Variants in PPP1R37 observed in about 807,000 individuals in gnomAD.
PPP1R37 encodes leucine rich repeat containing 68.
In PPP1R37, 21 loss-of-function variants were observed where a neutral mutation model predicts 61.0. The observed-to-expected ratio is 0.34, with a 90% CI of 0.24 to 0.50. PPP1R37 has a LOEUF of 0.50. PPP1R37 is among the 20% of genes least tolerant of loss of function. The pLI is 0.98. For synonymous variants in PPP1R37, 443 were observed against 433.5 expected (o/e 1.02, Z -0.27); for missense variants, 910 against 952.7 (o/e 0.96, Z 0.59).
intron 1 of PPP1R37, among the ~76,000 whole-genome samples, chr19:45,119,557 G>T (rs1466840375): frequency 1.3e-5 from 2 of 152,162 alleles, no homozygotes; most frequent in African/African-American, 2.4e-5. Context: ...TGACTACATG[G>T]CCAATCTGTT....
intron 1 of PPP1R37, among the ~76,000 whole-genome samples, chr19:45,119,749 G>A (rs1568444359): frequency 2.0e-5 from 3 of 152,326 alleles, no homozygotes; most frequent in East Asian, 3.9e-4. Flanking sequence ...TGGCCAGGTA[G>A]GGCTGTGTCT....
At chr19:45,103,217 A>G (rs904454839) in intron 1 of PPP1R37, among the ~76,000 whole-genome samples, 5 of 152,154 alleles carry the variant, frequency 3.3e-5, no homozygotes, top group African/African-American at 1.2e-4. Context: ...CCCTTCCTCT[A>G]GGCAGCTGGT....
At chr19:45,145,298 G>C in intron 10 of PPP1R37, 38 bp downstream of exon 10, 2 of 1,521,752 alleles carry the variant, frequency 1.3e-6, no homozygotes, top group Non-Finnish European at 1.8e-6. Context: ...GGGGCGGGCG[G>C]AAGGCCGGGT....
At chr19:45,128,993 A>G (rs1968443363) in intron 1 of PPP1R37, 3 of 829,528 alleles carry the variant, frequency 3.6e-6, no homozygotes, top group South Asian at 1.3e-5. Context: ...CTGCCATGAC[A>G]GAGGAGGCAG....
At chr19:45,109,354 C>T (rs1968171738) in intron 1 of PPP1R37, among the ~76,000 whole-genome samples, 1 of 152,154 alleles carries the variant, frequency 6.6e-6, no homozygotes, top group African/African-American at 2.4e-5. Context: ...AAACACAGGG[C>T]TGGGGCCCTC....
At chr19:45,096,110 G>A (rs1255260885) in intron 1 of PPP1R37, among the ~76,000 whole-genome samples, 3 of 152,166 alleles carry the variant, frequency 2.0e-5, no homozygotes, top group Non-Finnish European at 4.4e-5. Flanking sequence ...GAGTGTTCTC[G>A]ATGGCAGTCA....
intron 5 of PPP1R37, among the ~76,000 whole-genome samples, chr19:45,141,809 T>G (rs1968615635): frequency 6.6e-6 from 1 of 151,924 alleles, no homozygotes; most frequent in Non-Finnish European, 1.5e-5. Context: ...CACACAGGAG[T>G]TGGAGATCCT....
chr19:45,136,791 CG>C (rs1461220488), intron 1 of PPP1R37: 1 of 152,324 alleles, frequency 6.6e-6, no homozygotes, highest in Non-Finnish European at 1.5e-5. Context: ...GTGGCCAGAG[CG>C]GAGTCCCAGG....
intron 1 of PPP1R37, among the ~76,000 whole-genome samples, chr19:45,114,772 C>A (rs978283107): frequency 1.7e-4 from 3 of 17,906 alleles, no homozygotes; most frequent in African/African-American, 1.5e-3. Context: ...CAAGTGAGAC[C>A]CCCCCCCCCA....
chr19:45,139,517 G>A (rs758206622), intron 2 of PPP1R37, among the ~76,000 whole-genome samples: 4 of 152,218 alleles, frequency 2.6e-5, no homozygotes, highest in African/African-American at 4.8e-5. Flanking sequence ...GTGAAGCACC[G>A]CTCGTTCCGA....
chr19:45,137,199 G>A lies in PPP1R37; in HGVS notation c.203-1315G>A, dbSNP rs79490493. On this transcript the variant is annotated intron_variant, in intron 1 of 12. Transcript: ENST00000221462. ...GCTCCTAGCCTTTCCTTCCTGCTCCGCTGGTCACCCTGAGGTAAAATCCAA... is the reference window on the plus strand; with the variant it reads ...GCTCCTAGCCTTTCCTTCCTGCTCCACTGGTCACCCTGAGGTAAAATCCAA... 9.1e-3 allele frequency among the ~76,000 whole-genome samples: 1,378 copies of A among 152,214 alleles called. 28 individuals are homozygous for A. The highest frequency in any genetic ancestry group is 0.03 in the African/African-American group (1,266 of 41,518).
intron 1 of PPP1R37, among the ~76,000 whole-genome samples, chr19:45,095,253 C>T (rs1239843888): frequency 2.0e-5 from 3 of 152,090 alleles, no homozygotes; most frequent in Admixed American, 1.3e-4. Context: ...CTGCCTCAGC[C>T]TCCTCAGTAT....
chr19:45,128,253 A>G (rs772177948), intron 1 of PPP1R37, among the ~76,000 whole-genome samples: 1 of 152,168 alleles, frequency 6.6e-6, no homozygotes, highest in Non-Finnish European at 1.5e-5. Context: ...GCTAATGACA[A>G]TCCACAGCAG....
At chr19:45,096,182 G>A (rs528892670) in intron 1 of PPP1R37, among the ~76,000 whole-genome samples, 1 of 152,256 alleles carries the variant, frequency 6.6e-6, no homozygotes, top group South Asian at 2.1e-4. Context: ...CATGGGGTGG[G>A]GCCTGGATGT....
In PPP1R37 at chr19:45,145,983, C is replaced by T; in HGVS notation, c.1927C>T (p.Leu643=). ...CAACGGCCTGAAGCCCGAGTTCGCC[C>T]TGGCACTGCCCCCTGAGCCGCCCCC... is the stretch of plus-strand genomic sequence containing the variant. ...LPNGLKPEFA[L]ALPPEPPPGP... is the part of the protein sequence containing the mutation. Residue 643 remains leucine, a synonymous_variant, in exon 11 of 13, where the codon CTG becomes TTG. Coordinates refer to ENST00000221462, the MANE Select transcript of PPP1R37 (RefSeq NM_019121.2). 1 of 1,534,554 alleles carries T rather than the reference C, an allele frequency of 6.5e-7. No homozygotes were observed. The highest frequency in any genetic ancestry group is 8.7e-7 in the Non-Finnish European group (1 of 1,146,274).
rs747029064 is a variant in PPP1R37 at position 45,146,402 on chromosome 19, C to T, written c.2006C>T (p.Ser669Phe). 2 of 1,535,804 alleles carry T rather than the reference C, an allele frequency of 1.3e-6. No homozygotes were observed. The highest frequency in any genetic ancestry group is 1.2e-5 in the South Asian group (1 of 84,024). ...SCGLEHELSC[S>F]KNEKELEELL... ...TCCTCCCACACAGAACTGAGCTGCT[C>T]CAAGAACGAGAAGGAGCTCGAGGAG... Residue 669 changes from serine (S) to phenylalanine (F), a missense_variant, in exon 12 of 13, where the codon TCC becomes TTC. Coordinates refer to ENST00000221462, the MANE Select transcript of PPP1R37 (RefSeq NM_019121.2).
At position 45,121,581 on chromosome 19, in the gene PPP1R37, G is replaced by A. The variant is rs1599700826; in HGVS notation, c.203-16933G>A. Among the ~76,000 whole-genome samples the A allele has an allele frequency of 6.6e-6, 1 of 152,240 alleles. No individual in the cohort carries two copies. Among genetic ancestry groups the A allele is most frequent in the South Asian group, 2.1e-4 (1 of 4,834 alleles). ...ACCCAGGAAACCTGACCAGTGCCAC[G>A]CAGTGAATATACAGGGTCCTCACGC... On this transcript the variant is annotated intron_variant, in intron 1 of 12. Transcript: ENST00000221462. The surrounding 1 kb of genome is among the most constrained non-coding windows in gnomAD (Gnocchi z 4.2).
intron 1 of PPP1R37, among the ~76,000 whole-genome samples, chr19:45,098,975 C>T (rs925563461): frequency 3.3e-5 from 5 of 152,054 alleles, no homozygotes; most frequent in African/African-American, 7.3e-5. Context: ...CTCTCTGCCT[C>T]GATTTTTCTG....
At chr19:45,104,872 G>A (rs986357853) in intron 1 of PPP1R37, among the ~76,000 whole-genome samples, 5 of 152,224 alleles carry the variant, frequency 3.3e-5, no homozygotes, top group African/African-American at 1.2e-4. Flanking sequence ...CTGGAAGACC[G>A]GCCCCACCTA....
Sources: allele counts gnomAD v4.1 joint callset (sites outside exome capture counted in the v4.1 genomes callset), GRCh38; gene constraint gnomAD v4.1.1; non-coding constraint Gnocchi (gnomAD v3.1); transcripts MANE v1.5; gene names NCBI Gene and HGNC (gene_info 2026-07-23, HGNC 2026-07-21).